The following MCU variants were observed in gnomAD, a reference collection of about 807,000 sequenced individuals.
The protein encoded by MCU is mitochondrial calcium uniporter.
In MCU, 12 loss-of-function variants were observed where a neutral mutation model predicts 45.2. The ratio of observed to expected loss-of-function variants is 0.27; its 90% confidence interval spans 0.17 to 0.43. The LOEUF (loss-of-function observed/expected upper bound fraction) is 0.43, where lower values mean the gene tolerates loss of function less well. Among genes scored for constraint, MCU ranks in the 20% least tolerant of loss-of-function variants. The pLI is 1.00. For synonymous variants in MCU, 160 were observed against 165.1 expected, an observed-to-expected ratio of 0.97 and a Z score of 0.24; for missense variants, 324 against 436.7, an observed-to-expected ratio of 0.74 and a Z score of 2.30.
intron 2 of MCU, among the ~76,000 whole-genome samples, chr10:72,854,639 C>T (rs945762307): frequency 3.3e-5 from 5 of 152,170 alleles, no homozygotes; most frequent in Non-Finnish European, 5.9e-5. Flanking sequence ...AGCAGTGCTC[C>T]TCAACCTTTT....
At chr10:72,722,316 C>CAAAAAAA (rs35164146) in intron 1 of MCU, among the ~76,000 whole-genome samples, 11 of 20,178 alleles carry the variant, frequency 5.5e-4, no homozygotes, top group Non-Finnish European at 1.0e-3. Flanking sequence ...AACTCCATCT[C>CAAAAAAA]AAAAAAAAAA....
At chr10:72,824,271 A>G (rs1426319127) in intron 1 of MCU, among the ~76,000 whole-genome samples, 6 of 147,332 alleles carry the variant, frequency 4.1e-5, no homozygotes, top group Admixed American at 2.1e-4. Context: ...ATCTCAGCTC[A>G]CTGCAACCTC....
At chr10:72,885,595 G>A (rs1201446899) in intron 7 of MCU, 150 bp from the exon 8 acceptor site, 1 of 596,556 alleles carries the variant, frequency 1.7e-6, no homozygotes, top group Non-Finnish European at 3.0e-6. Context: ...GAGTTAAAAT[G>A]CTTTGTCTTT....
rs1844683998 is a variant in MCU at position 72,819,843 on chromosome 10, A to G, written c.151-14516A>G. ...TCTTCTACATAATAATACAATTTTT[A>G]TACTCAATAAATTTATCTTAGTTGA... On this transcript the variant is annotated intron_variant, in intron 1 of 7. Transcript: ENST00000373053. Among the ~76,000 whole-genome samples the G allele has an allele frequency of 5.6e-5, 8 of 144,126 alleles. 1 individual carries two copies. The highest frequency in any genetic ancestry group is 9.2e-3 in the Middle Eastern group (2 of 218). 94.6% of individuals were successfully genotyped at this position (144,126 alleles called of 152,430 possible). A position where few individuals can be genotyped will look rare whatever the true frequency, so the allele number is the denominator to read the frequency against.
intron 2 of MCU, among the ~76,000 whole-genome samples, chr10:72,847,824 G>T (rs1289847785): frequency 2.6e-5 from 4 of 152,126 alleles, no homozygotes; most frequent in Admixed American, 2.6e-4. Flanking sequence ...GAGGCCGGAA[G>T]ATCTGATTCT....
intron 1 of MCU, among the ~76,000 whole-genome samples, chr10:72,765,786 CAAAAAAAAAAAAA>C (rs36071651): frequency 4.7e-5 from 3 of 63,222 alleles, no homozygotes; most frequent in Non-Finnish European, 6.9e-5. Context: ...GACGCTGTCT[CAAAAAAAAAAAAA>C]AAAAAAAAAG....
chr10:72,716,350 A>T (rs1842955068), intron 1 of MCU, among the ~76,000 whole-genome samples: 1 of 152,264 alleles, frequency 6.6e-6, no homozygotes, highest in South Asian at 2.1e-4. Flanking sequence ...GACCTGTGTC[A>T]TAATGCTGAC....
At chr10:72,841,358 A>T (rs541621712) in intron 2 of MCU, among the ~76,000 whole-genome samples, 1 of 152,046 alleles carries the variant, frequency 6.6e-6, no homozygotes. Flanking sequence ...CTGAAGTGCA[A>T]TGGCACTCAG....
chr10:72,872,335 A>G (rs1845554305), intron 6 of MCU, among the ~76,000 whole-genome samples: 1 of 152,078 alleles, frequency 6.6e-6, no homozygotes, highest in Non-Finnish European at 1.5e-5. Context: ...ACTATTGAAC[A>G]CTAGAGCTTA....
At chr10:72,713,404 C>G (rs1359704836) in intron 1 of MCU, among the ~76,000 whole-genome samples, 1 of 152,190 alleles carries the variant, frequency 6.6e-6, no homozygotes, top group East Asian at 1.9e-4. Context: ...CTCAGCCTCC[C>G]GAGTAGCTGG....
At chr10:72,700,191 C>T (rs916267800) in intron 1 of MCU, among the ~76,000 whole-genome samples, 1 of 151,610 alleles carries the variant, frequency 6.6e-6, no homozygotes, top group South Asian at 2.1e-4. Flanking sequence ...TCCTGAGTAG[C>T]GGGGATTACA....
intron 1 of MCU, among the ~76,000 whole-genome samples, chr10:72,737,666 C>T (rs1047855905): frequency 2.0e-5 from 3 of 151,840 alleles, no homozygotes; most frequent in East Asian, 1.9e-4. Flanking sequence ...ACTGCAGGTG[C>T]GCACCACTAT....
At chr10:72,850,781 G>C (rs564767981) in intron 2 of MCU, among the ~76,000 whole-genome samples, 2 of 152,018 alleles carry the variant, frequency 1.3e-5, no homozygotes, top group Non-Finnish European at 2.9e-5. Context: ...GGCTTTTTTT[G>C]AAGCACACTG....
At position 72,886,733 on chromosome 10, in the gene MCU, AT is replaced by A. The variant is rs1233553388; in HGVS notation, c.*915del. 1 of 152,296 alleles carries A rather than the reference AT, an allele frequency of 6.6e-6. No individual in the cohort carries two copies. The highest frequency in any genetic ancestry group is 1.5e-5 in the Non-Finnish European group (1 of 68,022). 9.4% of individuals were successfully genotyped at this position (152,296 alleles called of 1,614,324 possible). On this transcript the variant is annotated 3_prime_UTR_variant, in exon 8 of 8. Transcript: ENST00000373053. The stretch of plus-strand genomic sequence containing the variant: ...CTCTGTAGCCATTTCAACCAGAATA[AT>A]TTTATTGCTAATCTGCTTTGTGTGA...
intron 1 of MCU, among the ~76,000 whole-genome samples, chr10:72,744,021 A>G (rs993670735): frequency 2.6e-5 from 4 of 151,316 alleles, no homozygotes; most frequent in Non-Finnish European, 4.4e-5. Context: ...TTATATATAT[A>G]TATGTATGTG....
In MCU at chr10:72,849,298, G is replaced by A. The variant is rs972626904; in HGVS notation, c.221-9879G>A. On this transcript the variant is annotated intron_variant, in intron 2 of 7. Transcript: ENST00000373053. ...TCCAAAAAAAAAAAAAAAAAAAATCGAATGAAAGCACATGATGACTGATAA... is the reference window on the plus strand; with the variant it reads ...TCCAAAAAAAAAAAAAAAAAAAATCAAATGAAAGCACATGATGACTGATAA... 8.1e-5 allele frequency among the ~76,000 whole-genome samples: 12 copies of A among 147,276 alleles called. No individual in the cohort carries two copies. The South Asian group carries it at 2.6e-3, about 32-fold the overall frequency.
At chr10:72,876,152 A>G (rs1217692519) in intron 6 of MCU, among the ~76,000 whole-genome samples, 1 of 152,206 alleles carries the variant, frequency 6.6e-6, no homozygotes, top group Non-Finnish European at 1.5e-5. Context: ...GTACTCCGGC[A>G]AACCACTTCA....
At chr10:72,866,995 T>C (rs1845467457) in intron 4 of MCU, among the ~76,000 whole-genome samples, 1 of 150,810 alleles carries the variant, frequency 6.6e-6, no homozygotes, top group African/African-American at 2.4e-5. Flanking sequence ...TAGATGACTT[T>C]TGGAACTCAA....
At chr10:72,743,259 A>C (rs1407380839) in intron 1 of MCU, among the ~76,000 whole-genome samples, 1 of 151,858 alleles carries the variant, frequency 6.6e-6, no homozygotes, top group Non-Finnish European at 1.5e-5. Context: ...AAATAAAAAA[A>C]AATAAATGCT....
Sources: gnomAD v4.1 joint callset for allele counts (sites outside exome capture counted in the v4.1 genomes callset) on GRCh38, gnomAD v4.1.1 for gene constraint, MANE v1.5 for transcripts, NCBI Gene and HGNC (gene_info 2026-07-23, HGNC 2026-07-21) for gene names.